ARMH4: variants seen among roughly 807,000 people sequenced by gnomAD.
ARMH4 encodes the protein armadillo like helical domain containing 4, also known as armadillo-like helical domain-containing protein 4.
A neutral mutation model predicts 61.9 loss-of-function variants in ARMH4; 49 were observed. That is an observed-to-expected ratio of 0.79 (90% confidence interval 0.63 to 1.00). The LOEUF (loss-of-function observed/expected upper bound fraction) is 1.00, where lower values mean the gene tolerates loss of function less well. Among genes scored for constraint, ARMH4 ranks in the 50% least tolerant of loss-of-function variants. The pLI is 0.00. For synonymous variants in ARMH4, 368 were observed against 341.5 expected, an observed-to-expected ratio of 1.08 and a Z score of -0.85; for missense variants, 934 against 930.0, an observed-to-expected ratio of 1.00 and a Z score of -0.06.
chr14:58,041,020 C>T (rs979187301), intron 5 of ARMH4, among the ~76,000 whole-genome samples: 2 of 152,228 alleles, frequency 1.3e-5, no homozygotes, highest in Non-Finnish European at 2.9e-5. Context: ...CTCCAGTCTA[C>T]AGCTCCCAGC....
rs545334236 is a variant in ARMH4, at chr14:58,134,388, A to C, written c.1370-1047T>G. Among the ~76,000 whole-genome samples the C allele has an allele frequency of 5.9e-4, 90 of 152,262 alleles. No individual in the cohort carries two copies. In the South Asian group the frequency reaches 0.017, roughly 28 times the overall value. ...AATTCCCTCAAATACAGTATTAAAG[A>C]CTGTTTATAATAATACTCTGCTTTC... is the stretch of plus-strand genomic sequence containing the variant. On this transcript the variant is annotated intron_variant, in intron 2 of 7. Coordinates refer to ENST00000267485, the MANE Select transcript of ARMH4 (RefSeq NM_001001872.4).
intron 5 of ARMH4, among the ~76,000 whole-genome samples, chr14:58,032,733 C>T (rs1429116544): frequency 1.3e-5 from 2 of 151,992 alleles, no homozygotes; most frequent in African/African-American, 4.8e-5. Flanking sequence ...GGCATTGCCT[C>T]ACCTGGGAAG....
intron 5 of ARMH4, among the ~76,000 whole-genome samples, chr14:58,055,626 G>A (rs1884324314): frequency 6.6e-6 from 1 of 152,056 alleles, no homozygotes; most frequent in African/African-American, 2.4e-5. Flanking sequence ...GCAGCATCAG[G>A]GAATCATCTG....
At chr14:58,021,873 A>G (rs1261614047) in intron 5 of ARMH4, among the ~76,000 whole-genome samples, 1 of 152,174 alleles carries the variant, frequency 6.6e-6, no homozygotes, top group Non-Finnish European at 1.5e-5. Context: ...CCTTCAGTGG[A>G]TTGGCCAGAA....
At chr14:58,056,939 G>A (rs1884367069) in intron 5 of ARMH4, among the ~76,000 whole-genome samples, 1 of 152,262 alleles carries the variant, frequency 6.6e-6, no homozygotes, top group South Asian at 2.1e-4. Flanking sequence ...CACCTGAAGA[G>A]AGTAAGTTTG....
intron 5 of ARMH4, among the ~76,000 whole-genome samples, chr14:58,085,236 T>A (rs575930533): frequency 6.6e-6 from 1 of 152,254 alleles, no homozygotes; most frequent in African/African-American, 2.4e-5. Flanking sequence ...CCATTTTGTT[T>A]TAACAGTTGG....
At chr14:58,095,559 A>G (rs1177886425) in intron 5 of ARMH4, among the ~76,000 whole-genome samples, 2 of 152,168 alleles carry the variant, frequency 1.3e-5, no homozygotes, top group Non-Finnish European at 2.9e-5. Flanking sequence ...GTTTCATGTG[A>G]CATGTTTTTA....
intron 6 of ARMH4, among the ~76,000 whole-genome samples, chr14:58,011,489 A>G (rs896237933): frequency 6.6e-6 from 1 of 152,152 alleles, no homozygotes; most frequent in African/African-American, 2.4e-5. Flanking sequence ...CACTGGCTAC[A>G]ACAAGGAATT....
chr14:58,029,038 C>G (rs1239253946), intron 5 of ARMH4, among the ~76,000 whole-genome samples: 1 of 151,424 alleles, frequency 6.6e-6, no homozygotes, highest in South Asian at 2.1e-4. Context: ...TTATCAACAC[C>G]CCCCCTCCAA....
chr14:58,147,472 G>A (rs760866543), intron 1 of ARMH4, among the ~76,000 whole-genome samples: 15 of 151,888 alleles, frequency 9.9e-5, no homozygotes, highest in East Asian at 1.9e-4. Context: ...ACGCCACCAC[G>A]CCCAGCTAGT....
chr14:58,086,921 C>T (rs980408196), intron 5 of ARMH4, among the ~76,000 whole-genome samples: 85 of 151,964 alleles, frequency 5.6e-4, no homozygotes, highest in African/African-American at 2.0e-3. Flanking sequence ...TAGAAAAAGT[C>T]GGTAGGGAAT....
At chr14:58,008,818 A>G (rs1882281004) in intron 6 of ARMH4, among the ~76,000 whole-genome samples, 1 of 152,234 alleles carries the variant, frequency 6.6e-6, no homozygotes, top group Non-Finnish European at 1.5e-5. Flanking sequence ...AATCGCTGCT[A>G]TGAAGTATAG....
intron 6 of ARMH4, among the ~76,000 whole-genome samples, chr14:58,009,755 G>C (rs973042014): frequency 5.7e-5 from 8 of 140,116 alleles, no homozygotes; most frequent in African/African-American, 2.1e-4. Context: ...AGGTTGCAGT[G>C]AGCCAAGATC....
At position 58,139,429 on chromosome 14, in the gene ARMH4, A is replaced by G. The variant is rs1240258847; in HGVS notation, c.-56-15T>C. 2 of 1,417,726 alleles carry G rather than the reference A, an allele frequency of 1.4e-6. No homozygotes were observed. Among genetic ancestry groups the G allele is most frequent in the Admixed American group, 1.8e-5 (1 of 56,068 alleles). The allele number at this position is 1,417,726 out of a possible 1,614,324, so 87.8% of individuals were successfully genotyped here. A position where few individuals can be genotyped will look rare whatever the true frequency, so the allele number is the denominator to read the frequency against. Reference sequence around the variant, plus strand: ...GTAATTGAATCCTGCAGAAAAATAAAGCATATCAAACTGTCATATAAATAC... The same window carrying G: ...GTAATTGAATCCTGCAGAAAAATAAGGCATATCAAACTGTCATATAAATAC... On this transcript the variant is annotated splice_polypyrimidine_tract_variant and intron_variant, in intron 1 of 7. Coordinates refer to ENST00000267485, the MANE Select transcript of ARMH4 (RefSeq NM_001001872.4).
At chr14:58,077,526 G>C (rs148750174) in intron 5 of ARMH4, among the ~76,000 whole-genome samples, 2 of 152,192 alleles carry the variant, frequency 1.3e-5, no homozygotes, top group Non-Finnish European at 2.9e-5. Flanking sequence ...GGGACCGCTT[G>C]AGCCTGGGAG....
At chr14:58,094,766 T>C (rs1885692255) in intron 5 of ARMH4, among the ~76,000 whole-genome samples, 1 of 152,100 alleles carries the variant, frequency 6.6e-6, no homozygotes, top group African/African-American at 2.4e-5. Context: ...AGGCCAGTGG[T>C]TATCTGGGGT....
chr14:58,042,077 A>G (rs886337967), intron 5 of ARMH4, among the ~76,000 whole-genome samples: 12 of 152,136 alleles, frequency 7.9e-5, no homozygotes, highest in South Asian at 4.2e-4. Context: ...AATTGAACTC[A>G]GCTCTGCACC....
chr14:58,145,388 T>C (rs914002820), intron 1 of ARMH4, among the ~76,000 whole-genome samples: 2 of 152,218 alleles, frequency 1.3e-5, no homozygotes, highest in African/African-American at 4.8e-5. Flanking sequence ...CAAATATTTC[T>C]ATATTCCTAT....
At chr14:58,004,988 A>T in intron 7 of ARMH4, 60 bp downstream of exon 7, 1 of 1,609,028 alleles carries the variant, frequency 6.2e-7, no homozygotes, top group Non-Finnish European at 8.5e-7. Flanking sequence ...TTATTAAGTA[A>T]ATTAGATAAG....
Sources: gnomAD v4.1 joint callset for allele counts (sites outside exome capture counted in the v4.1 genomes callset) on GRCh38, gnomAD v4.1.1 for gene constraint, MANE v1.5 for transcripts, NCBI Gene and HGNC (gene_info 2026-07-23, HGNC 2026-07-21) for gene names.